The following RGS3 variants were observed in gnomAD, a reference collection of about 807,000 sequenced individuals.
RGS3 encodes the protein regulator of G protein signaling 3.
Under a neutral mutation model 132.6 loss-of-function variants are expected in RGS3, and 80 were observed. That is an observed-to-expected ratio of 0.60 (90% CI 0.50 to 0.73). RGS3 has a LOEUF of 0.73. Among genes scored for constraint, RGS3 ranks in the 30% least tolerant of loss-of-function variants. The pLI is 0.00. For missense variants in RGS3, 1,382 were observed against 1,530.8 expected (o/e 0.90, Z 1.62); for synonymous variants, 598 against 620.6 (o/e 0.96, Z 0.54).
chr9:113,528,268 C>T (rs1430347178), intron 17 of RGS3, among the ~76,000 whole-genome samples: 1 of 152,158 alleles, frequency 6.6e-6, no homozygotes, highest in African/African-American at 2.4e-5. Context: ...CAGGGAGTAA[C>T]CATCCCAGGA....
At chr9:113,504,153 G>A (rs1388674070) in intron 10 of RGS3, among the ~76,000 whole-genome samples, 5 of 152,176 alleles carry the variant, frequency 3.3e-5, no homozygotes, top group Non-Finnish European at 5.9e-5. Context: ...GCCCTGGGAT[G>A]GTGGGTAGGT....
intron 10 of RGS3, chr9:113,501,500 C>T (rs944011733): frequency 2.2e-5 from 34 of 1,519,762 alleles, no homozygotes; most frequent in Non-Finnish European, 2.8e-5. Flanking sequence ...GCCAGGCTGA[C>T]GGGTCCAGTG....
chr9:113,583,862 T>TG lies in RGS3; in HGVS notation c.2451dup (p.Pro818AlafsTer3), dbSNP rs1834958564. On this transcript the variant is annotated frameshift_variant, in exon 20 of 25. Transcript: ENST00000350696. LOFTEE classifies it high-confidence loss of function. ...CGGGACCTTCCACCCTGTCAAGATCTGCCTCCTAGCCAGGTCTCCCTGCCA... is the reference window on the plus strand; with the variant it reads ...CGGGACCTTCCACCCTGTCAAGATCTGGCCTCCTAGCCAGGTCTCCCTGCCA... The TG allele has an allele frequency of 6.2e-7, 1 of 1,613,818 alleles. No homozygotes were observed. Among genetic ancestry groups the TG allele is most frequent in the Non-Finnish European group, 8.5e-7 (1 of 1,179,832 alleles).
At chr9:113,460,157 A>G, upstream of RGS3, 1 of 1,092,994 alleles carries the variant, frequency 9.1e-7, no homozygotes, top group Non-Finnish European at 1.1e-6. Flanking sequence ...TTCAGAGACA[A>G]GGCTTTGGTC....
At chr9:113,468,537 C>T (rs564358319) in intron 3 of RGS3, among the ~76,000 whole-genome samples, 2 of 151,982 alleles carry the variant, frequency 1.3e-5, no homozygotes, top group South Asian at 2.1e-4. Flanking sequence ...GTCCTGGGTC[C>T]CTTGAATTTC....
intron 21 of RGS3, chr9:113,594,130 G>A: frequency 6.2e-7 from 1 of 1,613,140 alleles, no homozygotes; most frequent in Non-Finnish European, 8.5e-7. Flanking sequence ...TGGGAGTCCA[G>A]TCATCAGGCC....
chr9:113,596,317 G>C (rs950973417), intron 24 of RGS3, among the ~76,000 whole-genome samples: 8 of 152,246 alleles, frequency 5.3e-5, no homozygotes, highest in African/African-American at 1.9e-4. Flanking sequence ...CTGAGTGACA[G>C]AGACAAATCA....
At chr9:113,587,516 G>T (rs572111293) in intron 20 of RGS3, among the ~76,000 whole-genome samples, 1 of 152,314 alleles carries the variant, frequency 6.6e-6, no homozygotes, top group South Asian at 2.1e-4. Flanking sequence ...GGAACACGGA[G>T]TCCCCCGGGA....
intron 3 of RGS3, among the ~76,000 whole-genome samples, chr9:113,478,323 A>C (rs1187520252): frequency 6.6e-6 from 1 of 151,814 alleles, no homozygotes; most frequent in Non-Finnish European, 1.5e-5. Context: ...GAAGTGCTAT[A>C]GTTCGTGGAT....
At chr9:113,555,555 C>T (rs1238716395) in intron 19 of RGS3, among the ~76,000 whole-genome samples, 1 of 152,028 alleles carries the variant, frequency 6.6e-6, no homozygotes, top group Non-Finnish European at 1.5e-5. Flanking sequence ...CAACCTCCAT[C>T]TCCCAGGTTC....
At chr9:113,560,993 C>T (rs926721948) in intron 19 of RGS3, among the ~76,000 whole-genome samples, 34 of 152,266 alleles carry the variant, frequency 2.2e-4, no homozygotes, top group African/African-American at 7.7e-4. Flanking sequence ...ATTCCTGGGA[C>T]CACATCTTTC....
At chr9:113,540,995 CG>C (rs1477979240) in intron 19 of RGS3, among the ~76,000 whole-genome samples, 1 of 152,190 alleles carries the variant, frequency 6.6e-6, no homozygotes, top group African/African-American at 2.4e-5. Context: ...GAAGATTCAT[CG>C]GGGGCCTTGT....
chr9:113,492,436 T>TC (rs34401346), intron 7 of RGS3, among the ~76,000 whole-genome samples: 1 of 152,360 alleles, frequency 6.6e-6, no homozygotes, highest in East Asian at 1.9e-4. Context: ...TCTTGTGACA[T>TC]CCCCTGTATT....
chr9:113,492,823 C>T (rs536312425), intron 7 of RGS3, among the ~76,000 whole-genome samples: 1 of 152,312 alleles, frequency 6.6e-6, no homozygotes, highest in South Asian at 2.1e-4. Flanking sequence ...TGCTTATGGA[C>T]ATTAATTGTG....
chr9:113,466,055 G>T (rs979846864), intron 3 of RGS3, among the ~76,000 whole-genome samples: 1 of 152,170 alleles, frequency 6.6e-6, no homozygotes, highest in African/African-American at 2.4e-5. Flanking sequence ...AAAATACACA[G>T]ATTCCTAGAA....
At position 113,579,079 on chromosome 9, in the gene RGS3, C is replaced by T. The variant is rs1010558602; in HGVS notation, c.2038-4371C>T. Among the ~76,000 whole-genome samples the T allele has an allele frequency of 1.7e-5, 2 of 118,588 alleles. No individual in the cohort carries two copies. The highest frequency in any genetic ancestry group is 3.7e-5 in the African/African-American group (1 of 27,182). The allele number at this position is 118,588 out of a possible 152,430, so 77.8% of individuals were successfully genotyped here. ...GACAGAGGCAAACCCCAGTTTACAC[C>T]CCCCCAGTGCAGGAAGTGGTTTTCG... On this transcript the variant is annotated intron_variant, in intron 19 of 24. Transcript: ENST00000350696. The surrounding 1 kb of genome is among the most constrained non-coding windows in gnomAD (Gnocchi z 4.3).
intron 19 of RGS3, among the ~76,000 whole-genome samples, chr9:113,544,880 A>G (rs1207492590): frequency 2.0e-5 from 3 of 152,248 alleles, no homozygotes; most frequent in African/African-American, 4.8e-5. Flanking sequence ...GGAAGAGGCA[A>G]GAGAGGGATA....
chr9:113,594,149 A>G, intron 21 of RGS3: 1 of 1,612,988 alleles, frequency 6.2e-7, no homozygotes. Flanking sequence ...CCAGGATTCC[A>G]GAGAGCGTGT....
intron 23 of RGS3, 75 bp downstream of exon 21, chr9:113,595,055 G>C (rs1404069457): frequency 9.7e-6 from 14 of 1,436,780 alleles, no homozygotes; most frequent in Non-Finnish European, 1.4e-5. Context: ...ACCCTGTGTA[G>C]CTGGTGCTAG....
Sources: allele counts gnomAD v4.1 joint callset (sites outside exome capture counted in the v4.1 genomes callset), GRCh38; gene constraint gnomAD v4.1.1; non-coding constraint Gnocchi (gnomAD v3.1); transcripts MANE v1.5; gene names NCBI Gene and HGNC (gene_info 2026-07-23, HGNC 2026-07-21).